The following PLCB1 variants were observed in gnomAD, a reference collection of about 807,000 sequenced individuals.
PLCB1 encodes the protein phospholipase C beta 1.
PLCB1 carries 46 observed loss-of-function variants against 161.8 expected under a neutral mutation model. The observed-to-expected ratio is 0.28, with a 90% CI of 0.22 to 0.36. The LOEUF (loss-of-function observed/expected upper bound fraction) is 0.36. Among genes scored for constraint, PLCB1 ranks in the 10% least tolerant of loss-of-function variants. The pLI is 1.00. For missense variants in PLCB1, 1,016 were observed against 1,472.5 expected, an observed-to-expected ratio of 0.69 and a Z score of 5.07; for synonymous variants, 517 against 503.7, an observed-to-expected ratio of 1.03 and a Z score of -0.35.
chr20:8,723,779 G>C (rs1218921744), intron 15 of PLCB1, among the ~76,000 whole-genome samples: 1 of 152,042 alleles, frequency 6.6e-6, no homozygotes, highest in Non-Finnish European at 1.5e-5. Context: ...AATCAGGCAG[G>C]CTGGCTCTAG....
chr20:8,233,483 G>A (rs1403543183), intron 2 of PLCB1, among the ~76,000 whole-genome samples: 1 of 152,056 alleles, frequency 6.6e-6, no homozygotes, highest in African/African-American at 2.4e-5. Context: ...TTCGAAAATA[G>A]CGGAAACCCT....
At chr20:8,684,335 C>T (rs921585656) in intron 9 of PLCB1, among the ~76,000 whole-genome samples, 3 of 151,974 alleles carry the variant, frequency 2.0e-5, no homozygotes, top group Non-Finnish European at 2.9e-5. Context: ...CGGCTCAATG[C>T]AACCTCCACC....
chr20:8,868,552 A>T (rs1987506128), intron 31 of PLCB1, among the ~76,000 whole-genome samples: 1 of 152,210 alleles, frequency 6.6e-6, no homozygotes, highest in Admixed American at 6.5e-5. Flanking sequence ...ACCTTCACAC[A>T]TCCTGTTTTT....
At chr20:8,655,569 A>T (rs555098427) in intron 7 of PLCB1, among the ~76,000 whole-genome samples, 1 of 152,192 alleles carries the variant, frequency 6.6e-6, no homozygotes, top group South Asian at 2.1e-4. Flanking sequence ...TTATAAATAG[A>T]CGGGAAGGAA....
chr20:8,815,374 C>T (rs572632174), intron 31 of PLCB1, among the ~76,000 whole-genome samples: 1 of 152,300 alleles, frequency 6.6e-6, no homozygotes, highest in African/African-American at 2.4e-5. Flanking sequence ...ACTGTAGTGC[C>T]ATGCTCTGCT....
In PLCB1 at chr20:8,132,370, G is replaced by C. The variant is rs1280633016; in HGVS notation, c.-282G>C. The C allele has an allele frequency of 3.9e-6, 1 of 256,760 alleles. No homozygotes were observed. Among genetic ancestry groups the C allele is most frequent in the Admixed American group, 5.5e-5 (1 of 18,156 alleles). 15.9% of individuals were successfully genotyped at this position (256,760 alleles called of 1,614,324 possible). On this transcript the variant is annotated 5_prime_UTR_variant, in exon 1 of 32. Transcript: ENST00000338037. This position sits in a 1 kb window ranked among gnomAD's most constrained non-coding sequence, Gnocchi z 5.2. ...CCGCGACTGGCAGCCTCGGCTGACC[G>C]GCTCGGCTTCTCTTCGCCTTCCGAG...
intron 31 of PLCB1, among the ~76,000 whole-genome samples, chr20:8,849,790 G>A (rs1355520172): frequency 3.3e-5 from 5 of 151,970 alleles, no homozygotes; most frequent in South Asian, 2.1e-4. Context: ...CAAGGTGGGC[G>A]GATCACGAGG....
intron 12 of PLCB1, among the ~76,000 whole-genome samples, chr20:8,711,825 A>C (rs1442977218): frequency 6.6e-6 from 1 of 152,142 alleles, no homozygotes; most frequent in Non-Finnish European, 1.5e-5. Context: ...TAACCCTAGA[A>C]ATAACCTCAG....
chr20:8,195,611 A>T (rs2052014176), intron 2 of PLCB1, among the ~76,000 whole-genome samples: 1 of 152,114 alleles, frequency 6.6e-6, no homozygotes, highest in African/African-American at 2.4e-5. Flanking sequence ...GACCTAATTC[A>T]AACATTACCC....
chr20:8,847,326 A>G (rs6086642), intron 31 of PLCB1, among the ~76,000 whole-genome samples: 49,995 of 151,952 alleles, frequency 0.33, 9,039 homozygotes, highest in East Asian at 0.63. Flanking sequence ...CACCATGAAG[A>G]ATCTTCTGTA....
intron 31 of PLCB1, among the ~76,000 whole-genome samples, chr20:8,817,760 A>G (rs1349136145): frequency 6.6e-6 from 1 of 152,146 alleles, no homozygotes; most frequent in Non-Finnish European, 1.5e-5. Context: ...AAAGAGCAAA[A>G]ATAACAGACA....
intron 2 of PLCB1, among the ~76,000 whole-genome samples, chr20:8,348,308 T>C (rs1320049827): frequency 6.6e-6 from 1 of 152,204 alleles, no homozygotes; most frequent in Non-Finnish European, 1.5e-5. Context: ...TTCCTCTAGA[T>C]AGAGGGACCT....
intron 9 of PLCB1, among the ~76,000 whole-genome samples, chr20:8,678,387 T>C (rs1990138086): frequency 6.6e-6 from 1 of 152,132 alleles, no homozygotes; most frequent in Non-Finnish European, 1.5e-5. Context: ...AAGTCAAAAA[T>C]AGCAATACAT....
intron 31 of PLCB1, among the ~76,000 whole-genome samples, chr20:8,817,428 T>TG (rs931913681): frequency 6.6e-6 from 1 of 152,060 alleles, no homozygotes; most frequent in African/African-American, 2.4e-5. Flanking sequence ...TGGTCCTCAC[T>TG]GGGGGGTTTG....
chr20:8,245,940 G>A (rs1377918584), intron 2 of PLCB1, among the ~76,000 whole-genome samples: 1 of 151,882 alleles, frequency 6.6e-6, no homozygotes, highest in African/African-American at 2.4e-5. Context: ...AAATCAGCAG[G>A]AGACCTCAGA....
chr20:8,160,006 A>G (rs1600206824), intron 2 of PLCB1, among the ~76,000 whole-genome samples: 1 of 151,344 alleles, frequency 6.6e-6, no homozygotes, highest in African/African-American at 2.4e-5. Flanking sequence ...AAAAAAAAAA[A>G]AAGAAAAAAA....
At chr20:8,235,201 C>T (rs1980258484) in intron 2 of PLCB1, among the ~76,000 whole-genome samples, 1 of 151,938 alleles carries the variant, frequency 6.6e-6, no homozygotes, top group Non-Finnish European at 1.5e-5. Context: ...ATATGTGGAG[C>T]TTAGAGAGAA....
chr20:8,216,971 C>T (rs1402253766), intron 2 of PLCB1, among the ~76,000 whole-genome samples: 6 of 152,102 alleles, frequency 3.9e-5, no homozygotes, highest in Admixed American at 3.3e-4. Flanking sequence ...GACATTCTCC[C>T]AAATGTGTCC....
intron 3 of PLCB1, among the ~76,000 whole-genome samples, chr20:8,561,207 G>C (rs1014971640): frequency 1.3e-5 from 2 of 151,888 alleles, no homozygotes; most frequent in Admixed American, 1.3e-4. Context: ...CCTGTGTGTG[G>C]TTCAACATTT....
Sources: gnomAD v4.1 joint callset for allele counts (sites outside exome capture counted in the v4.1 genomes callset) on GRCh38, gnomAD v4.1.1 for gene constraint, Gnocchi (gnomAD v3.1) non-coding constraint, MANE v1.5 for transcripts, NCBI Gene and HGNC (gene_info 2026-07-23, HGNC 2026-07-21) for gene names.